The following PTER variants were observed in gnomAD, a reference collection of about 807,000 sequenced individuals.
PTER encodes phosphotriesterase related.
A neutral mutation model predicts 29.6 loss-of-function variants in PTER; 38 were observed. The observed-to-expected ratio is 1.28, with a 90% confidence interval of 0.99 to 1.68. The LOEUF (loss-of-function observed/expected upper bound fraction) is 1.68. Ranked by LOEUF, PTER falls within the 40% of genes most tolerant of loss-of-function variation. The probability of loss-of-function intolerance (pLI) is 0.00; values close to 1 mark genes in which losing one functional copy is unlikely to be tolerated. For missense variants in PTER, 482 were observed against 427.8 expected, an observed-to-expected ratio of 1.13 and a Z score of -1.12; for synonymous variants, 172 against 154.5, an observed-to-expected ratio of 1.11 and a Z score of -0.84.
At chr10:16,438,957 C>T (rs143096186) in intron 1 of PTER, among the ~76,000 whole-genome samples, 14 of 147,334 alleles carry the variant, frequency 9.5e-5, no homozygotes, top group African/African-American at 3.5e-4. Flanking sequence ...GTCTCTAGGT[C>T]GCTAGTGGAT....
At chr10:16,454,436 C>T (rs1283901675) in intron 1 of PTER, among the ~76,000 whole-genome samples, 1 of 151,722 alleles carries the variant, frequency 6.6e-6, no homozygotes, top group African/African-American at 2.4e-5. Flanking sequence ...ATTAGCCAGG[C>T]GTGGTGGTGC....
At chr10:16,469,975 A>G (rs1834987361) in intron 1 of PTER, among the ~76,000 whole-genome samples, 1 of 152,058 alleles carries the variant, frequency 6.6e-6, no homozygotes, top group Admixed American at 6.6e-5. Context: ...TAGAAATGTC[A>G]TGTAAATTAC....
chr10:16,459,758 A>C (rs1420012207), intron 1 of PTER, among the ~76,000 whole-genome samples: 1 of 151,352 alleles, frequency 6.6e-6, no homozygotes, highest in Non-Finnish European at 1.5e-5. Context: ...TTATTTATTT[A>C]CTTATTTGAG....
chr10:16,467,322 A>T (rs547163349), intron 1 of PTER, among the ~76,000 whole-genome samples: 1 of 152,194 alleles, frequency 6.6e-6, no homozygotes, highest in African/African-American at 2.4e-5. Context: ...AAGTATGTAT[A>T]TATGGGACAA....
rs868484579 is a variant in PTER at position 16,481,456 on chromosome 10, C to T, written c.-48-2881C>T. On this transcript the variant is annotated intron_variant, in intron 1 of 4. Coordinates refer to ENST00000535784, the MANE Select transcript of PTER (RefSeq NM_001261836.2). ...AAGGGCTCCCTCCCTGCACAGGAAGCGTGTATTCTAGATACACACTCCACC... is the reference window on the plus strand; with the variant it reads ...AAGGGCTCCCTCCCTGCACAGGAAGTGTGTATTCTAGATACACACTCCACC... Among the ~76,000 whole-genome samples, 8 of 152,296 alleles carry T rather than the reference C, an allele frequency of 5.3e-5. No homozygotes were observed. The East Asian group carries it at 1.2e-3, about 22-fold the overall frequency.
chr10:16,516,643 C>T (rs533020113), downstream of PTER, among the ~76,000 whole-genome samples: 4 of 152,204 alleles, frequency 2.6e-5, no homozygotes, highest in South Asian at 8.3e-4. Context: ...ATTGGAGAAA[C>T]AGGACATACT....
intron 1 of PTER, among the ~76,000 whole-genome samples, chr10:16,442,649 C>T (rs1036641649): frequency 6.6e-6 from 1 of 152,038 alleles, no homozygotes; most frequent in Non-Finnish European, 1.5e-5. Flanking sequence ...TGTGCCTGGC[C>T]AGCTCTTTTG....
intron 1 of PTER, among the ~76,000 whole-genome samples, chr10:16,470,662 G>A (rs1835013785): frequency 6.6e-6 from 1 of 152,076 alleles, no homozygotes; most frequent in Non-Finnish European, 1.5e-5. Context: ...CAGCTACTTG[G>A]GAGGCTGAGG....
At chr10:16,510,924 G>A (rs1836784776) in intron 4 of PTER, 122 bp from the exon 5 acceptor site, 4 of 766,916 alleles carry the variant, frequency 5.2e-6, no homozygotes, top group East Asian at 2.7e-5. Context: ...CAGTACACAC[G>A]CCACAGTAGA....
chr10:16,462,343 A>G (rs1364835236), intron 1 of PTER, among the ~76,000 whole-genome samples: 1 of 152,130 alleles, frequency 6.6e-6, no homozygotes, highest in African/African-American at 2.4e-5. Context: ...TAATCTGTCA[A>G]AGTGGTTTAC....
Position 16,511,558 on chromosome 10 carries a change from T to G in PTER, c.*302T>G, listed in dbSNP as rs1836812257. 2 of 313,520 alleles carry G rather than the reference T, an allele frequency of 6.4e-6. No individual in the cohort carries two copies. The highest frequency in any genetic ancestry group is 1.3e-4 in the South Asian group (2 of 15,728). 19.4% of individuals were successfully genotyped at this position (313,520 alleles called of 1,614,324 possible). A position where few individuals can be genotyped will look rare whatever the true frequency, so the allele number is the denominator to read the frequency against. ...GCGGAGTTGTTGTTTTTCTCCCTAATCTATCAGCTGCACTACTTGAGAAAA... is the reference window on the plus strand; with the variant it reads ...GCGGAGTTGTTGTTTTTCTCCCTAAGCTATCAGCTGCACTACTTGAGAAAA... On this transcript the variant is annotated 3_prime_UTR_variant, in exon 5 of 5. Transcript: ENST00000535784.
intron 1 of PTER, among the ~76,000 whole-genome samples, chr10:16,481,033 C>A (rs1432458466): frequency 6.6e-6 from 1 of 152,162 alleles, no homozygotes; most frequent in Non-Finnish European, 1.5e-5. Flanking sequence ...TTTTTCAGTT[C>A]TAGATGCATC....
rs974435357 is a variant in PTER, at chr10:16,503,815, A to G, written c.699-1205A>G. Among the ~76,000 whole-genome samples the G allele has an allele frequency of 2.0e-5, 3 of 152,198 alleles. No individual in the cohort carries two copies. In the East Asian group the frequency reaches 5.8e-4, roughly 29 times the overall value. ...TCGGCCTCACAAACTGCTGGGATTG[A>G]GCCACCGCACCCTGCCACAAAGTAG... On this transcript the variant is annotated intron_variant, in intron 3 of 4. Transcript: ENST00000535784.
chr10:16,510,503 G>A (rs774299163), intron 4 of PTER, among the ~76,000 whole-genome samples: 4 of 152,206 alleles, frequency 2.6e-5, no homozygotes, highest in Non-Finnish European at 5.9e-5. Context: ...TGGCTTTGTA[G>A]CTTATCAAAT....
At chr10:16,517,263 AT>A (rs1394284124), downstream of PTER, among the ~76,000 whole-genome samples, 1 of 152,168 alleles carries the variant, frequency 6.6e-6, no homozygotes, top group Non-Finnish European at 1.5e-5. Flanking sequence ...TTTAGTCCGT[AT>A]TTCTTTAACC....
At chr10:16,485,958 G>A (rs1355034167) in intron 2 of PTER, among the ~76,000 whole-genome samples, 1 of 152,022 alleles carries the variant, frequency 6.6e-6, no homozygotes, top group Admixed American at 6.6e-5. Flanking sequence ...GAAAGAAAAA[G>A]AATGACTTGA....
intron 3 of PTER, among the ~76,000 whole-genome samples, chr10:16,490,466 G>A (rs1269884515): frequency 6.6e-6 from 1 of 151,922 alleles, no homozygotes; most frequent in Non-Finnish European, 1.5e-5. Flanking sequence ...CTCAGTTCAA[G>A]CCCAAGCTCT....
rs117461895 is a variant in PTER at position 16,465,202 on chromosome 10, C to A, written c.-48-19135C>A. ...GCACTCTGCTTTGTATCGTAAGTAT[C>A]CTATGAATATATAAAAACGATGAGT... On this transcript the variant is annotated intron_variant, in intron 1 of 4. Coordinates refer to ENST00000535784, the MANE Select transcript of PTER (RefSeq NM_001261836.2). 7.4e-3 allele frequency among the ~76,000 whole-genome samples: 1,123 copies of A among 152,244 alleles called. 7 individuals are homozygous for A. The highest frequency in any genetic ancestry group is 1.0e-2 in the Non-Finnish European group (678 of 68,022).
downstream of PTER, among the ~76,000 whole-genome samples, chr10:16,515,473 G>A (rs1232602034): frequency 2.0e-5 from 3 of 152,102 alleles, no homozygotes; most frequent in African/African-American, 7.2e-5. Context: ...CATGCTCTGA[G>A]GCCTCTCAAG....
Sources: gnomAD v4.1 joint callset for allele counts (sites outside exome capture counted in the v4.1 genomes callset) on GRCh38, gnomAD v4.1.1 for gene constraint, MANE v1.5 for transcripts, NCBI Gene and HGNC (gene_info 2026-07-23, HGNC 2026-07-21) for gene names.